The following FOXO1 variants were observed in gnomAD, a reference collection of about 807,000 sequenced individuals.
FOXO1 encodes the protein forkhead box protein O1.
A neutral mutation model predicts 44.1 loss-of-function variants in FOXO1; 6 were observed. The observed-to-expected ratio is 0.14, with a 90% CI of 0.07 to 0.27. FOXO1 has a LOEUF of 0.27. FOXO1 is among the 10% of genes least tolerant of loss of function. The pLI, the probability that FOXO1 is intolerant of heterozygous loss-of-function variation, is 1.00. For missense variants in FOXO1, 737 were observed against 888.8 expected (o/e 0.83, Z 2.17); for synonymous variants, 380 against 362.7 (o/e 1.05, Z -0.54).
At chr13:40,562,486 A>C (rs192542100) in intron 1 of FOXO1, among the ~76,000 whole-genome samples, 69 of 152,212 alleles carry the variant, frequency 4.5e-4, no homozygotes, top group Admixed American at 7.8e-4. Context: ...GCAGGGCTAA[A>C]TTACAGAGCC....
chr13:40,566,819 A>G (rs1366656171), intron 1 of FOXO1, among the ~76,000 whole-genome samples: 2 of 152,252 alleles, frequency 1.3e-5, no homozygotes, highest in African/African-American at 2.4e-5. Context: ...AACCATTTAC[A>G]GACCACTAGT....
chr13:40,664,395 C>A (rs937395276), intron 1 of FOXO1, among the ~76,000 whole-genome samples: 4 of 151,888 alleles, frequency 2.6e-5, no homozygotes, highest in African/African-American at 9.7e-5. Flanking sequence ...CCCCGGGAAG[C>A]CTCCCCGGAG....
intron 1 of FOXO1, among the ~76,000 whole-genome samples, chr13:40,570,493 A>G (rs1291440345): frequency 1.3e-5 from 2 of 152,204 alleles, no homozygotes; most frequent in African/African-American, 4.8e-5. Flanking sequence ...AAGCTTTACA[A>G]CGGAGGATGT....
intron 1 of FOXO1, among the ~76,000 whole-genome samples, chr13:40,648,345 T>A (rs1877574156): frequency 6.6e-6 from 1 of 152,200 alleles, no homozygotes; most frequent in African/African-American, 2.4e-5. Context: ...ATAATACTAG[T>A]AAAGGCATCA....
intron 1 of FOXO1, among the ~76,000 whole-genome samples, chr13:40,594,889 G>T (rs917996527): frequency 6.6e-6 from 1 of 152,116 alleles, no homozygotes; most frequent in African/African-American, 2.4e-5. Flanking sequence ...GTCTCACTAT[G>T]TTGCCCAGAC....
At chr13:40,579,420 C>T (rs922047897) in intron 1 of FOXO1, among the ~76,000 whole-genome samples, 1 of 152,206 alleles carries the variant, frequency 6.6e-6, no homozygotes, top group Non-Finnish European at 1.5e-5. Context: ...TCCCATTCCC[C>T]AACAGTCAAC....
chr13:40,649,392 T>C (rs561037285), intron 1 of FOXO1, among the ~76,000 whole-genome samples: 44 of 152,206 alleles, frequency 2.9e-4, no homozygotes, highest in Non-Finnish European at 5.1e-4. Flanking sequence ...TGAGGCTTAA[T>C]TGGAGGCCCC....
At chr13:40,643,219 G>A (rs568217179) in intron 1 of FOXO1, among the ~76,000 whole-genome samples, 2 of 152,054 alleles carry the variant, frequency 1.3e-5, no homozygotes, top group South Asian at 4.2e-4. Flanking sequence ...GCAGGCACCT[G>A]TAATCCCAGC....
chr13:40,635,062 A>G (rs979831389), intron 1 of FOXO1, among the ~76,000 whole-genome samples: 1 of 152,152 alleles, frequency 6.6e-6, no homozygotes, highest in African/African-American at 2.4e-5. Context: ...CTCTAAACCC[A>G]ACTCATATCA....
At chr13:40,662,723 CTATT>C (rs552765373) in intron 1 of FOXO1, among the ~76,000 whole-genome samples, 28 of 152,352 alleles carry the variant, frequency 1.8e-4, no homozygotes, top group Non-Finnish European at 3.2e-4. Flanking sequence ...ACACAAGAAA[CTATT>C]TAATTAAAGA....
chr13:40,632,072 C>A (rs1876982111), intron 1 of FOXO1, among the ~76,000 whole-genome samples: 1 of 151,914 alleles, frequency 6.6e-6, no homozygotes, highest in South Asian at 2.1e-4. Flanking sequence ...GAGATGGAGA[C>A]CATCCTGGCT....
In FOXO1 at chr13:40,560,311, A is replaced by G. The variant is rs1873948002; in HGVS notation, c.1180T>C (p.Ser394Pro). 1 of 1,614,050 alleles carries G rather than the reference A, an allele frequency of 6.2e-7. No individual in the cohort carries two copies. ...PTSLTVSTQSSPGTMMQQTPC... is the reference protein window; with the variant it reads ...PTSLTVSTQSPPGTMMQQTPC... The stretch of plus-strand genomic sequence containing the variant: ...GTCTGCTGCATCATGGTGCCAGGTG[A>G]GGACTGGGTCGAAACAGTTAATGAT... The change falls in exon 2 of 3, where the codon TCA (serine) becomes CCA (proline). Residue 394 changes from serine (S) to proline (P), a missense_variant. Around this residue, in one of 7 missense-constraint regions of FOXO1, gnomAD observed 283 missense variants for 278.1 expected, o/e 1.02. Coordinates refer to ENST00000379561, the MANE Select transcript of FOXO1 (RefSeq NM_002015.4). The surrounding 1 kb of genome is among the most constrained non-coding windows in gnomAD (Gnocchi z 5.1).
chr13:40,608,146 C>T (rs1876089249), intron 1 of FOXO1, among the ~76,000 whole-genome samples: 1 of 152,230 alleles, frequency 6.6e-6, no homozygotes. Context: ...CCCTCAGCTG[C>T]TAACATTTTT....
intron 1 of FOXO1, among the ~76,000 whole-genome samples, chr13:40,654,438 T>C (rs1233862052): frequency 1.4e-5 from 2 of 146,274 alleles, no homozygotes; most frequent in Admixed American, 6.8e-5. Flanking sequence ...GAGGCGGAGG[T>C]TGCAGTGAAC....
chr13:40,649,554 A>C (rs574588354), intron 1 of FOXO1, among the ~76,000 whole-genome samples: 9 of 152,214 alleles, frequency 5.9e-5, no homozygotes, highest in Non-Finnish European at 2.9e-5. Context: ...CCCTATTTTC[A>C]TCGCAAAGGA....
chr13:40,625,719 T>C (rs1242191237), intron 1 of FOXO1, among the ~76,000 whole-genome samples: 2 of 152,056 alleles, frequency 1.3e-5, no homozygotes, highest in Non-Finnish European at 2.9e-5. Context: ...GATCTTGTAA[T>C]TTTACATAAG....
At chr13:40,635,816 G>A (rs931273416) in intron 1 of FOXO1, among the ~76,000 whole-genome samples, 3 of 152,210 alleles carry the variant, frequency 2.0e-5, no homozygotes, top group Non-Finnish European at 4.4e-5. Context: ...CTGGGGACGT[G>A]ACAGAGGTCC....
chr13:40,635,201 C>CA (rs74973932), intron 1 of FOXO1, among the ~76,000 whole-genome samples: 62,459 of 151,854 alleles, frequency 0.41, 14,075 homozygotes, highest in East Asian at 0.75. Flanking sequence ...CTTCATTAAC[C>CA]AAAAAAATTT....
chr13:40,664,764 G>A (rs1250577130), intron 1 of FOXO1, among the ~76,000 whole-genome samples: 2 of 151,646 alleles, frequency 1.3e-5, no homozygotes, highest in African/African-American at 4.8e-5. Context: ...CCGACGCGCT[G>A]GCCCTTTAAA....
Sources: gnomAD v4.1 joint callset for allele counts (sites outside exome capture counted in the v4.1 genomes callset) on GRCh38, gnomAD v4.1.1 for gene constraint, gnomAD v4.1.1 regional missense constraint, Gnocchi (gnomAD v3.1) non-coding constraint, MANE v1.5 for transcripts, NCBI Gene and HGNC (gene_info 2026-07-23, HGNC 2026-07-21) for gene names.